WASF2: variants seen among roughly 807,000 people sequenced by gnomAD.
WASF2 encodes WASP family member 2.
WASF2 carries 14 observed loss-of-function variants against 45.0 expected under a neutral mutation model. The observed-to-expected ratio is 0.31, with a 90% CI of 0.21 to 0.49. The LOEUF (loss-of-function observed/expected upper bound fraction) is 0.49, where lower values mean the gene tolerates loss of function less well. Among genes scored for constraint, WASF2 ranks in the 20% least tolerant of loss-of-function variants. WASF2 has a pLI of 0.99. For missense variants in WASF2, 439 were observed against 636.1 expected (o/e 0.69, Z 3.33); for synonymous variants, 200 against 236.3 (o/e 0.85, Z 1.41).
Position 27,406,163 on chromosome 1 carries a change from C to T in WASF2, c.*2026G>A, listed in dbSNP as rs192873980. On this transcript the variant is annotated 3_prime_UTR_variant, in exon 9 of 9. Coordinates refer to ENST00000618852, the MANE Select transcript of WASF2 (RefSeq NM_006990.5). ...AACTACTGCTGGGCTGCGGCCCAGG[C>T]GCCTTCAACGACCATTTTAGGGTTC... 1.3e-4 allele frequency: 20 copies of T among 152,818 alleles called. No homozygotes were observed. Among genetic ancestry groups the T allele is most frequent in the Non-Finnish European group, 4.4e-5 (3 of 68,092 alleles). The allele number at this position is 152,818 out of a possible 1,614,324, so 9.5% of individuals were successfully genotyped here.
chr1:27,461,985 T>G (rs1169143420), intron 1 of WASF2, among the ~76,000 whole-genome samples: 1 of 150,248 alleles, frequency 6.7e-6, no homozygotes, highest in Admixed American at 6.6e-5. Flanking sequence ...TTACTTTTTT[T>G]TTTTTTTTTT....
chr1:27,429,019 T>A, intron 1 of WASF2, 86 bp from the exon 2 acceptor site: 2 of 1,053,614 alleles, frequency 1.9e-6, no homozygotes, highest in Non-Finnish European at 2.7e-6. Context: ...TTTTTTTTTT[T>A]GGTCTTACCC....
At chr1:27,433,644 C>G (rs2504774) in intron 1 of WASF2, among the ~76,000 whole-genome samples, 137,316 of 152,246 alleles carry the variant, frequency 0.9, 62,010 homozygotes, top group East Asian at 1. Context: ...GGAGAAAGTA[C>G]AAATGTAAAG....
chr1:27,483,161 C>T (rs916403149), intron 1 of WASF2, among the ~76,000 whole-genome samples: 7 of 152,068 alleles, frequency 4.6e-5, no homozygotes, highest in African/African-American at 1.4e-4. Flanking sequence ...ATGGTGAAAC[C>T]CCATCTCTAC....
At chr1:27,443,460 A>G (rs2017270838) in intron 1 of WASF2, among the ~76,000 whole-genome samples, 1 of 151,930 alleles carries the variant, frequency 6.6e-6, no homozygotes, top group Non-Finnish European at 1.5e-5. Flanking sequence ...CTAAACCACA[A>G]AAACTAGCTG....
At chr1:27,454,811 A>G (rs1393556545) in intron 1 of WASF2, among the ~76,000 whole-genome samples, 1 of 151,796 alleles carries the variant, frequency 6.6e-6, no homozygotes, top group Non-Finnish European at 1.5e-5. Context: ...ATAGTATTCT[A>G]TTGTAGGAAC....
chr1:27,466,722 C>G (rs1362435055), intron 1 of WASF2, among the ~76,000 whole-genome samples: 1 of 151,774 alleles, frequency 6.6e-6, no homozygotes, highest in African/African-American at 2.4e-5. Flanking sequence ...TAAAAGTTAG[C>G]TGGGTGTGGT....
At chr1:27,430,231 T>C (rs1005053523) in intron 1 of WASF2, among the ~76,000 whole-genome samples, 1 of 152,232 alleles carries the variant, frequency 6.6e-6, no homozygotes, top group Non-Finnish European at 1.5e-5. Flanking sequence ...TGATCCTCTT[T>C]CCACATCTTA....
At chr1:27,452,239 G>C (rs72653302) in intron 1 of WASF2, among the ~76,000 whole-genome samples, 1 of 152,192 alleles carries the variant, frequency 6.6e-6, no homozygotes, top group East Asian at 1.9e-4. Context: ...CGCAGGCTGC[G>C]CGCCGTGGCT....
chr1:27,438,941 A>G lies in WASF2; in HGVS notation c.-43-10008T>C, dbSNP rs143386118. The stretch of plus-strand genomic sequence containing the variant: ...CTGTACATCTACTTCCTCTCACAAC[A>G]TTCAGTCAGCACTCAAAGCATGAGA... On this transcript the variant is annotated intron_variant, in intron 1 of 8. Coordinates refer to ENST00000618852, the MANE Select transcript of WASF2 (RefSeq NM_006990.5). Among the ~76,000 whole-genome samples the G allele has an allele frequency of 2.2e-3, 332 of 152,350 alleles. 2 individuals are homozygous for G. The highest frequency in any genetic ancestry group is 7.7e-3 in the African/African-American group (322 of 41,584).
chr1:27,445,821 CA>C (rs2017303261), intron 1 of WASF2, among the ~76,000 whole-genome samples: 1 of 150,738 alleles, frequency 6.6e-6, no homozygotes, highest in African/African-American at 2.4e-5. Context: ...TTTAGCTCAT[CA>C]AATCTTCTCA....
rs746606696 is a variant in WASF2 at position 27,408,251 on chromosome 1, C to T, written c.1435G>A (p.Val479Ile). 6.2e-7 allele frequency: 1 copy of T among 1,614,240 alleles called. No homozygotes were observed. The highest frequency in any genetic ancestry group is 1.1e-5 in the South Asian group (1 of 91,088). Residue 479 changes from valine (V) to isoleucine (I), a missense_variant, in exon 9 of 9, where the codon GTT becomes ATT. By Grantham distance (29) the Val-to-Ile change is conservative. This residue lies in a region of WASF2 where 286 missense variants were observed against 373.5 expected (regional missense o/e 0.77). Coordinates refer to ENST00000618852, the MANE Select transcript of WASF2 (RefSeq NM_006990.5). ...TCATCTTCTGAGTCACTGTACTCAA[C>T]AGCAATGCGACGAGACAAGATGGTG... ...VATILSRRIA[V>I]EYSDSEDDSS...
chr1:27,441,366 A>G (rs1231907018), intron 1 of WASF2, among the ~76,000 whole-genome samples: 6 of 141,676 alleles, frequency 4.2e-5, no homozygotes, highest in Admixed American at 7.1e-5. Flanking sequence ...GGTGGCTCAC[A>G]CCTGTAATCC....
At chr1:27,438,475 C>T (rs528435433) in intron 1 of WASF2, among the ~76,000 whole-genome samples, 1 of 152,316 alleles carries the variant, frequency 6.6e-6, no homozygotes, top group East Asian at 1.9e-4. Flanking sequence ...TGCCTTACTT[C>T]TTATTTCAAG....
intron 1 of WASF2, among the ~76,000 whole-genome samples, chr1:27,456,493 TA>T (rs2017469917): frequency 6.6e-6 from 1 of 152,018 alleles, no homozygotes; most frequent in African/African-American, 2.4e-5. Context: ...GGCCAGGAAG[TA>T]AAAATGTAAA....
chr1:27,420,407 G>A (rs756994599), intron 2 of WASF2, among the ~76,000 whole-genome samples: 4 of 149,538 alleles, frequency 2.7e-5, no homozygotes, highest in Non-Finnish European at 5.9e-5. Context: ...TGCAGCCAAA[G>A]AAACATAACA....
At chr1:27,459,570 T>C (rs959889949) in intron 1 of WASF2, 3 of 152,140 alleles carry the variant, frequency 2.0e-5, no homozygotes, top group African/African-American at 7.2e-5. Flanking sequence ...AACTATAAAA[T>C]ATACATTATT....
At chr1:27,454,161 A>ATGTGTG (rs2017428063) in intron 1 of WASF2, among the ~76,000 whole-genome samples, 1 of 89,242 alleles carries the variant, frequency 1.1e-5, no homozygotes, top group Non-Finnish European at 2.0e-5. Flanking sequence ...GTGTATATAT[A>ATGTGTG]TATATATATA....
chr1:27,466,209 T>A (rs1018208641), intron 1 of WASF2, among the ~76,000 whole-genome samples: 1 of 152,220 alleles, frequency 6.6e-6, no homozygotes, highest in African/African-American at 2.4e-5. Context: ...AAAGAGTTGA[T>A]AAAGTAAACT....
Sources: allele counts gnomAD v4.1 joint callset (sites outside exome capture counted in the v4.1 genomes callset), GRCh38; gene constraint gnomAD v4.1.1; regional missense constraint gnomAD v4.1.1; transcripts MANE v1.5; gene names NCBI Gene and HGNC (gene_info 2026-07-23, HGNC 2026-07-21).